Variants in INSR observed in about 807,000 individuals in gnomAD.
The protein encoded by INSR is insulin receptor.
Under a neutral mutation model 142.6 loss-of-function variants are expected in INSR, and 67 were observed. The observed-to-expected ratio is 0.47, with a 90% CI of 0.39 to 0.58. INSR has a LOEUF of 0.58. Among genes scored for constraint, INSR ranks in the 20% least tolerant of loss-of-function variants. The pLI is 0.00. For synonymous variants in INSR, 756 were observed against 743.1 expected, an observed-to-expected ratio of 1.02 and a Z score of -0.28; for missense variants, 1,248 against 1,833.2, an observed-to-expected ratio of 0.68 and a Z score of 5.83.
intron 2 of INSR, among the ~76,000 whole-genome samples, chr19:7,207,722 A>G (rs1003317636): frequency 5.9e-5 from 9 of 152,060 alleles, no homozygotes; most frequent in African/African-American, 1.9e-4. Flanking sequence ...CAGAAGTTCG[A>G]GACAAGCCTG....
chr19:7,252,687 C>G (rs1207729621), intron 2 of INSR, among the ~76,000 whole-genome samples: 1 of 152,170 alleles, frequency 6.6e-6, no homozygotes, highest in Non-Finnish European at 1.5e-5. Context: ...CCCAGGTAAG[C>G]CCTTGGAAAC....
At chr19:7,162,901 G>T (rs890830) in intron 9 of INSR, 131 bp downstream of exon 9, 53,227 of 760,386 alleles carry the variant, frequency 0.07, 2,129 homozygotes, top group African/African-American at 0.12. Flanking sequence ...GAGATAGAAT[G>T]GAGTGTGTGT....
intron 2 of INSR, among the ~76,000 whole-genome samples, chr19:7,193,570 C>T (rs1022827093): frequency 5.3e-5 from 8 of 151,554 alleles, no homozygotes; most frequent in Non-Finnish European, 1.2e-4. Flanking sequence ...GGACATATGT[C>T]CCTCTGAAAG....
At chr19:7,142,528 C>G (rs1052927088) in intron 12 of INSR, among the ~76,000 whole-genome samples, 2 of 151,736 alleles carry the variant, frequency 1.3e-5, no homozygotes, top group African/African-American at 4.8e-5. Context: ...AACCCCATCT[C>G]TACTAAAAAT....
At chr19:7,153,440 AC>A (rs1973496143) in intron 9 of INSR, among the ~76,000 whole-genome samples, 1 of 118,518 alleles carries the variant, frequency 8.4e-6, no homozygotes, top group African/African-American at 3.2e-5. Context: ...CACAAATCAC[AC>A]ACACCACCAC....
intron 2 of INSR, among the ~76,000 whole-genome samples, chr19:7,262,181 C>A (rs749227937): frequency 2.8e-4 from 43 of 152,152 alleles, no homozygotes; most frequent in Non-Finnish European, 5.3e-4. Flanking sequence ...ATCAAATAAG[C>A]CTCCTAAGGC....
intron 17 of INSR, among the ~76,000 whole-genome samples, chr19:7,124,472 G>A (rs1972574189): frequency 7.5e-6 from 1 of 134,208 alleles, no homozygotes; most frequent in Non-Finnish European, 1.6e-5. Context: ...CCAGGAGGTG[G>A]AGCTTGCAGT....
At chr19:7,202,737 G>T (rs1974997805) in intron 2 of INSR, among the ~76,000 whole-genome samples, 1 of 152,138 alleles carries the variant, frequency 6.6e-6, no homozygotes, top group East Asian at 1.9e-4. Flanking sequence ...CTGACCTCAG[G>T]TGATCCGCTC....
chr19:7,201,882 C>T (rs1465587772), intron 2 of INSR, among the ~76,000 whole-genome samples: 1 of 151,904 alleles, frequency 6.6e-6, no homozygotes, highest in Non-Finnish European at 1.5e-5. Flanking sequence ...AGGATGGTTT[C>T]GATCTCCTGA....
In INSR at chr19:7,124,485, G is replaced by T. The variant is rs529004629; in HGVS notation, c.3258+798C>A. 1.5e-3 allele frequency among the ~76,000 whole-genome samples: 195 copies of T among 132,298 alleles called. 2 individuals are homozygous for T. The highest frequency in any genetic ancestry group is 2.5e-3 in the Non-Finnish European group (160 of 63,310). 86.8% of individuals were successfully genotyped at this position (132,298 alleles called of 152,430 possible). On this transcript the variant is annotated intron_variant, in intron 17 of 21. Coordinates refer to ENST00000302850, the MANE Select transcript of INSR (RefSeq NM_000208.4). ...ATCCAGGAGGTGGAGCTTGCAGTGA[G>T]CTGAGATTGTGCCACTGCACTCCAG...
rs2245143 is a variant in INSR at position 7,168,202 on chromosome 19, C to T, written c.1484-108G>A. On this transcript the variant is annotated intron_variant, in intron 6 of 21. Transcript: ENST00000302850. This position sits in a 1 kb window ranked among gnomAD's most constrained non-coding sequence, Gnocchi z 4.3. ...AGGGACCGTGAGAAGGCAGAGGTGACGCTGCTATTCCCTTAAGGGTCTCCT... is the reference window on the plus strand; with the variant it reads ...AGGGACCGTGAGAAGGCAGAGGTGATGCTGCTATTCCCTTAAGGGTCTCCT... 102,530 of 1,118,292 alleles carry T rather than the reference C, an allele frequency of 0.092. 6,055 individuals are homozygous for T. Among genetic ancestry groups the T allele is most frequent in the South Asian group, 0.23 (17,525 of 77,822 alleles). 69.3% of individuals were successfully genotyped at this position (1,118,292 alleles called of 1,614,324 possible).
chr19:7,224,710 T>C (rs1975727296), intron 2 of INSR, among the ~76,000 whole-genome samples: 1 of 152,228 alleles, frequency 6.6e-6, no homozygotes, highest in Non-Finnish European at 1.5e-5. Flanking sequence ...ACCGTGGTTA[T>C]AAATACAGCA....
chr19:7,136,056 G>C (rs1489517170), intron 13 of INSR, among the ~76,000 whole-genome samples: 1 of 152,034 alleles, frequency 6.6e-6, no homozygotes, highest in East Asian at 1.9e-4. Context: ...ATGTATGAGG[G>C]TTCCGATTTC....
intron 2 of INSR, among the ~76,000 whole-genome samples, chr19:7,233,984 G>A (rs1226845351): frequency 1.3e-5 from 2 of 152,022 alleles, no homozygotes; most frequent in African/African-American, 4.8e-5. Flanking sequence ...TCGGCTCACT[G>A]CAACCTCCAC....
rs574791631 is a variant in INSR, at chr19:7,276,179, T to G, written c.101-8283A>C. Among the ~76,000 whole-genome samples the G allele has an allele frequency of 1.3e-3, 200 of 152,206 alleles. 2 individuals are homozygous for G. The highest frequency in any genetic ancestry group is 4.6e-3 in the African/African-American group (190 of 41,524). On this transcript the variant is annotated intron_variant, in intron 1 of 21. Coordinates refer to ENST00000302850, the MANE Select transcript of INSR (RefSeq NM_000208.4). ...TTTTTTTTTTGAGACAGAGTCTTGC[T>G]ATGTTGCCCAGGCTGGAGTGCAGTG...
In INSR at chr19:7,241,181, T is replaced by G. The variant is rs1339328016; in HGVS notation, c.652+26164A>C. On this transcript the variant is annotated intron_variant, in intron 2 of 21. Transcript: ENST00000302850. ...ATTCACTTTTTATTTTATTTTGTTT[T>G]TTTTTTTTTTTTTAAGAGATGAGGC... Among the ~76,000 whole-genome samples, 23 of 92,004 alleles carry G rather than the reference T, an allele frequency of 2.5e-4. No individual in the cohort carries two copies. In the South Asian group the frequency reaches 3.9e-3, roughly 16 times the overall value. 60.4% of individuals were successfully genotyped at this position (92,004 alleles called of 152,430 possible).
At chr19:7,208,090 G>A (rs550263087) in intron 2 of INSR, among the ~76,000 whole-genome samples, 7 of 152,138 alleles carry the variant, frequency 4.6e-5, no homozygotes, top group Non-Finnish European at 8.8e-5. Context: ...TTTGGCTCAC[G>A]AACTTCTGCT....
At chr19:7,250,888 C>T (rs1281794209) in intron 2 of INSR, among the ~76,000 whole-genome samples, 1 of 151,856 alleles carries the variant, frequency 6.6e-6, no homozygotes, top group African/African-American at 2.4e-5. Flanking sequence ...GCAGAACTGT[C>T]CCAGGAACGT....
intron 2 of INSR, among the ~76,000 whole-genome samples, chr19:7,237,951 G>A (rs1029438979): frequency 2.0e-5 from 3 of 152,036 alleles, no homozygotes; most frequent in Non-Finnish European, 2.9e-5. Context: ...AAATCAAAAT[G>A]TTCAGTTATG....
Sources: gnomAD v4.1 joint callset for allele counts (sites outside exome capture counted in the v4.1 genomes callset) on GRCh38, gnomAD v4.1.1 for gene constraint, Gnocchi (gnomAD v3.1) non-coding constraint, MANE v1.5 for transcripts, NCBI Gene and HGNC (gene_info 2026-07-23, HGNC 2026-07-21) for gene names.